The following PRKD1 variants were observed in gnomAD, a reference collection of about 807,000 sequenced individuals.
The protein encoded by PRKD1 is protein kinase D1.
Under a neutral mutation model 95.9 loss-of-function variants are expected in PRKD1, and 63 were observed. The observed-to-expected ratio is 0.66, with a 90% CI of 0.54 to 0.81. PRKD1 has a LOEUF of 0.81. Among genes scored for constraint, PRKD1 ranks in the 30% least tolerant of loss-of-function variants. The probability of loss-of-function intolerance (pLI) is 0.00; values close to 1 mark genes in which losing one functional copy is unlikely to be tolerated. For synonymous variants in PRKD1, 425 were observed against 423.1 expected (o/e 1.00, Z -0.05); for missense variants, 1,048 against 1,165.3 (o/e 0.90, Z 1.47).
At chr14:29,865,590 G>A (rs1461238777) in intron 1 of PRKD1, among the ~76,000 whole-genome samples, 1 of 152,140 alleles carries the variant, frequency 6.6e-6, no homozygotes, top group African/African-American at 2.4e-5. Flanking sequence ...TCCATCTTCT[G>A]TCATGGGATG....
At chr14:29,609,506 G>GCACACACACACACACACACA (rs150570301) in intron 13 of PRKD1, among the ~76,000 whole-genome samples, 3 of 127,488 alleles carry the variant, frequency 2.4e-5, no homozygotes, top group Non-Finnish European at 3.3e-5. Flanking sequence ...GTGTGTGCGT[G>GCACACACACACACACACACA]CACACACACA....
At chr14:29,677,123 A>G (rs1883275878) in intron 2 of PRKD1, among the ~76,000 whole-genome samples, 1 of 152,204 alleles carries the variant, frequency 6.6e-6, no homozygotes, top group Non-Finnish European at 1.5e-5. Context: ...TATATACAAC[A>G]TATTAATTTT....
At chr14:29,607,442 T>C (rs1297114734) in intron 13 of PRKD1, among the ~76,000 whole-genome samples, 1 of 152,238 alleles carries the variant, frequency 6.6e-6, no homozygotes, top group Non-Finnish European at 1.5e-5. Context: ...CAAGCTGCTC[T>C]CTTATCTGGA....
chr14:29,774,319 T>C (rs542164473), intron 1 of PRKD1, among the ~76,000 whole-genome samples: 1 of 152,240 alleles, frequency 6.6e-6, no homozygotes, highest in South Asian at 2.1e-4. Flanking sequence ...TCCTTTATTA[T>C]TAAAACATAC....
intron 1 of PRKD1, among the ~76,000 whole-genome samples, chr14:29,802,566 T>C (rs911744106): frequency 6.6e-6 from 1 of 152,218 alleles, no homozygotes; most frequent in African/African-American, 2.4e-5. Flanking sequence ...CAAAGTGACA[T>C]CTTTAGAATG....
intron 16 of PRKD1, among the ~76,000 whole-genome samples, chr14:29,586,441 C>G (rs1892931797): frequency 6.6e-6 from 1 of 152,158 alleles, no homozygotes; most frequent in Admixed American, 6.5e-5. Flanking sequence ...CTCTCTCAAC[C>G]TCCTCAAAAG....
chr14:29,777,552 A>G (rs1888824743), intron 1 of PRKD1, among the ~76,000 whole-genome samples: 1 of 152,238 alleles, frequency 6.6e-6, no homozygotes, highest in Non-Finnish European at 1.5e-5. Context: ...AAAGAAGGTC[A>G]TTACATAATG....
chr14:29,807,921 C>A (rs1400624452), intron 1 of PRKD1, among the ~76,000 whole-genome samples: 1 of 151,954 alleles, frequency 6.6e-6, no homozygotes, highest in Non-Finnish European at 1.5e-5. Context: ...GGGATTTCAC[C>A]ATGTTAACCA....
At chr14:29,727,052 C>T (rs192417053) in intron 1 of PRKD1, among the ~76,000 whole-genome samples, 132 of 152,236 alleles carry the variant, frequency 8.7e-4, no homozygotes, top group Admixed American at 3.3e-3. Flanking sequence ...ACATCCTCTC[C>T]AGCAGCTGTT....
intron 1 of PRKD1, among the ~76,000 whole-genome samples, chr14:29,744,347 T>A (rs1173821823): frequency 6.6e-6 from 1 of 152,170 alleles, no homozygotes; most frequent in Non-Finnish European, 1.5e-5. Context: ...CTCTCACATA[T>A]CTAATCTGTC....
At chr14:29,693,068 ATT>A (rs11327891) in intron 2 of PRKD1, among the ~76,000 whole-genome samples, 2 of 151,804 alleles carry the variant, frequency 1.3e-5, no homozygotes, top group African/African-American at 2.4e-5. Flanking sequence ...GAATTTGGGC[ATT>A]TTTTTTGATG....
At position 29,666,681 on chromosome 14, in the gene PRKD1, A is replaced by G. The variant is rs372367314; in HGVS notation, c.404-473T>C. Among the ~76,000 whole-genome samples the G allele has an allele frequency of 4.6e-5, 7 of 152,224 alleles. No individual in the cohort carries two copies. The East Asian group carries it at 9.7e-4, about 21-fold the overall frequency. On this transcript the variant is annotated intron_variant, in intron 2 of 17. Transcript: ENST00000331968. ...GAAGTACATTACAGGGTCCAGTTGA[A>G]AGATAGATATAAAATATGAGTGGCT...
chr14:29,859,439 T>A (rs886707281), intron 1 of PRKD1, among the ~76,000 whole-genome samples: 3 of 151,920 alleles, frequency 2.0e-5, no homozygotes, highest in African/African-American at 7.3e-5. Context: ...AAAACCCATC[T>A]CTACTAAAAA....
At chr14:29,860,266 G>A (rs975492266) in intron 1 of PRKD1, among the ~76,000 whole-genome samples, 3 of 152,226 alleles carry the variant, frequency 2.0e-5, no homozygotes, top group African/African-American at 7.2e-5. Flanking sequence ...TTGCAGCGAA[G>A]GCTGCGGAGG....
At chr14:29,859,127 CAGTT>C (rs1385160070) in intron 1 of PRKD1, among the ~76,000 whole-genome samples, 3 of 152,196 alleles carry the variant, frequency 2.0e-5, no homozygotes, top group Non-Finnish European at 4.4e-5. Context: ...TTCTCAAAAT[CAGTT>C]AGGCCATCAA....
chr14:29,795,802 A>C (rs1035406350), intron 1 of PRKD1, among the ~76,000 whole-genome samples: 1 of 152,174 alleles, frequency 6.6e-6, no homozygotes, highest in Admixed American at 6.5e-5. Context: ...AATATAAGAA[A>C]TAGTCCGTGG....
chr14:29,760,986 AG>A (rs970942058), intron 1 of PRKD1, among the ~76,000 whole-genome samples: 7 of 152,120 alleles, frequency 4.6e-5, no homozygotes, highest in Admixed American at 4.6e-4. Flanking sequence ...TCTGTCACCC[AG>A]GCTGCAGTGC....
chr14:29,634,329 G>A (rs981762687), intron 8 of PRKD1, 89 bp downstream of exon 8: 1 of 1,585,134 alleles, frequency 6.3e-7, no homozygotes, highest in Non-Finnish European at 8.6e-7. Flanking sequence ...TCTGAGTAAT[G>A]CAGAAATCTC....
chr14:29,692,168 T>G (rs2139300398), intron 2 of PRKD1, among the ~76,000 whole-genome samples: 1 of 152,044 alleles, frequency 6.6e-6, no homozygotes, highest in South Asian at 2.1e-4. Flanking sequence ...TTTAGAAATG[T>G]AAAAATCTCT....
Sources: allele counts gnomAD v4.1 joint callset (sites outside exome capture counted in the v4.1 genomes callset), GRCh38; gene constraint gnomAD v4.1.1; transcripts MANE v1.5; gene names NCBI Gene and HGNC (gene_info 2026-07-23, HGNC 2026-07-21).